SLC37A1: variants seen among roughly 807,000 people sequenced by gnomAD.
SLC37A1 encodes the protein glucose-6-phosphate exchanger SLC37A1.
Under a neutral mutation model 75.3 loss-of-function variants are expected in SLC37A1, and 49 were observed. The ratio of observed to expected loss-of-function variants is 0.65; its 90% CI spans 0.52 to 0.83. The LOEUF is 0.83. Among genes scored for constraint, SLC37A1 ranks in the 40% least tolerant of loss-of-function variants. The pLI is 0.00. For missense variants in SLC37A1, 566 were observed against 695.0 expected, an observed-to-expected ratio of 0.81 and a Z score of 2.09; for synonymous variants, 268 against 292.1, an observed-to-expected ratio of 0.92 and a Z score of 0.84.
chr21:42,559,581 T>C (rs2055775235), intron 11 of SLC37A1, among the ~76,000 whole-genome samples: 2 of 152,256 alleles, frequency 1.3e-5, no homozygotes, highest in Non-Finnish European at 2.9e-5. Context: ...TCTTTCCCTT[T>C]AAAGTGCCTT....
At chr21:42,569,864 T>G (rs111685892) in intron 17 of SLC37A1, among the ~76,000 whole-genome samples, 4,603 of 152,340 alleles carry the variant, frequency 0.03, 254 homozygotes, top group African/African-American at 0.11. Flanking sequence ...GGCGGCTGAC[T>G]GCACAGTGAG....
At chr21:42,562,215 G>T (rs1169896191) in intron 12 of SLC37A1, 47 bp downstream of exon 12, 2 of 1,536,198 alleles carry the variant, frequency 1.3e-6, no homozygotes, top group Non-Finnish European at 1.8e-6. Context: ...AGTGACTGGG[G>T]TCCGAAGTCT....
chr21:42,524,118 G>A (rs1328842813), intron 2 of SLC37A1, among the ~76,000 whole-genome samples: 4 of 152,042 alleles, frequency 2.6e-5, no homozygotes, highest in Admixed American at 6.6e-5. Context: ...TGTGTAGGAC[G>A]CCGCCTTAGG....
chr21:42,506,414 C>T (rs2054384626), intron 2 of SLC37A1, among the ~76,000 whole-genome samples: 1 of 152,200 alleles, frequency 6.6e-6, no homozygotes, highest in Non-Finnish European at 1.5e-5. Flanking sequence ...AGACTTTTTA[C>T]ATATTCATAC....
chr21:42,506,460 T>C (rs2146679577), intron 2 of SLC37A1, among the ~76,000 whole-genome samples: 1 of 152,356 alleles, frequency 6.6e-6, no homozygotes, highest in East Asian at 1.9e-4. Flanking sequence ...AGAGTAGCCA[T>C]AAGCATTTGT....
chr21:42,513,837 C>G (rs1476423693), upstream of SLC37A1: 1 of 146,062 alleles, frequency 6.8e-6, no homozygotes, highest in African/African-American at 2.5e-5. Flanking sequence ...CGGGGCCTCC[C>G]GCGCGCCGCT....
chr21:42,522,678 C>T (rs2054682676), intron 2 of SLC37A1, among the ~76,000 whole-genome samples: 1 of 152,232 alleles, frequency 6.6e-6, no homozygotes, highest in Non-Finnish European at 1.5e-5. Context: ...GCGTTTTCCT[C>T]TTCAGTCTTT....
chr21:42,526,011 T>C (rs1370109448), intron 3 of SLC37A1, 154 bp downstream of exon 3: 17 of 560,362 alleles, frequency 3.0e-5, no homozygotes, highest in Non-Finnish European at 4.1e-5. Flanking sequence ...CGGTTTCCCT[T>C]TGCTAAAATT....
intron 5 of SLC37A1, among the ~76,000 whole-genome samples, chr21:42,537,105 G>A (rs1263440974): frequency 6.6e-6 from 1 of 152,260 alleles, no homozygotes; most frequent in Non-Finnish European, 1.5e-5. Flanking sequence ...CCCGCTCAGA[G>A]CCCTGGTGGG....
chr21:42,569,885 G>C (rs1015808202), intron 17 of SLC37A1, among the ~76,000 whole-genome samples: 2 of 152,262 alleles, frequency 1.3e-5, no homozygotes, highest in Admixed American at 1.3e-4. Context: ...GAGCCAGGCC[G>C]GACAGGCCCC....
upstream of SLC37A1, among the ~76,000 whole-genome samples, chr21:42,512,912 C>T (rs948831915): frequency 6.6e-6 from 1 of 152,256 alleles, no homozygotes; most frequent in African/African-American, 2.4e-5. Context: ...GGAAGAATGC[C>T]TTCTCCATTC....
chr21:42,562,197 T>A, intron 12 of SLC37A1, 29 bp downstream of exon 12: 2 of 1,591,466 alleles, frequency 1.3e-6, no homozygotes, highest in Non-Finnish European at 1.7e-6. Flanking sequence ...ACACATTAAA[T>A]TCCGCACAGT....
At chr21:42,554,032 T>A in intron 9 of SLC37A1, 30 bp from the exon 10 acceptor site, 1 of 1,572,508 alleles carries the variant, frequency 6.4e-7, no homozygotes, top group African/African-American at 1.4e-5. Flanking sequence ...TGAATCAGTA[T>A]CGCTCTAATG....
intron 1 of SLC37A1, among the ~76,000 whole-genome samples, chr21:42,515,665 CTGTT>C (rs1324186283): frequency 4.6e-5 from 7 of 152,216 alleles, no homozygotes; most frequent in East Asian, 1.9e-4. Flanking sequence ...CTTTCAGAGT[CTGTT>C]TGTTTTTTTA....
At chr21:42,576,925 A>C (rs1306650664) in intron 18 of SLC37A1, among the ~76,000 whole-genome samples, 1 of 152,234 alleles carries the variant, frequency 6.6e-6, no homozygotes, top group Non-Finnish European at 1.5e-5. Flanking sequence ...GAGATGGCCT[A>C]AAGTTATCTG....
chr21:42,556,822 T>G (rs1046709003), intron 10 of SLC37A1, among the ~76,000 whole-genome samples: 1 of 152,178 alleles, frequency 6.6e-6, no homozygotes, highest in Non-Finnish European at 1.5e-5. Context: ...CCCCACACTC[T>G]TTCCCATCTC....
intron 17 of SLC37A1, among the ~76,000 whole-genome samples, chr21:42,572,302 G>A (rs964680491): frequency 3.9e-5 from 6 of 152,094 alleles, no homozygotes; most frequent in Non-Finnish European, 8.8e-5. Context: ...TGGGGCACCT[G>A]GTGGCACCTT....
intron 6 of SLC37A1, among the ~76,000 whole-genome samples, chr21:42,540,853 G>A (rs1416023573): frequency 2.0e-5 from 3 of 152,246 alleles, no homozygotes; most frequent in South Asian, 2.1e-4. Context: ...TCACACTTGT[G>A]TAGTAATATA....
Position 42,571,263 on chromosome 21 carries a change from G to A in SLC37A1, c.1423+2825G>A, listed in dbSNP as rs138479466. 3.1e-3 allele frequency among the ~76,000 whole-genome samples: 472 copies of A among 152,312 alleles called. 3 individuals are homozygous for A. Among genetic ancestry groups the A allele is most frequent in the Admixed American group, 6.9e-3 (106 of 15,302 alleles). On this transcript the variant is annotated intron_variant, in intron 17 of 19. Transcript: ENST00000352133. ...ACTGTCCACTCCTTGGCAGTGACTC[G>A]GGTGGAGGCGAAACATGACTAATCG...
Sources: allele counts gnomAD v4.1 joint callset (sites outside exome capture counted in the v4.1 genomes callset), GRCh38; gene constraint gnomAD v4.1.1; transcripts MANE v1.5; gene names NCBI Gene and HGNC (gene_info 2026-07-23, HGNC 2026-07-21).